The following MYO16 variants were observed in gnomAD, a reference collection of about 807,000 sequenced individuals.
MYO16 encodes unconventional myosin-XVI.
A neutral mutation model predicts 205.3 loss-of-function variants in MYO16; 94 were observed. The ratio of observed to expected loss-of-function variants is 0.46; its 90% CI spans 0.39 to 0.54. The LOEUF is 0.54. Ranked by LOEUF, MYO16 falls within the 20% of genes least tolerant of loss-of-function variation. The pLI is 0.00. For synonymous variants in MYO16, 988 were observed against 954.0 expected (o/e 1.04, Z -0.66); for missense variants, 2,315 against 2,387.5 (o/e 0.97, Z 0.63).
intron 14 of MYO16, among the ~76,000 whole-genome samples, 163 bp downstream of exon 14, chr13:108,888,640 G>A (rs775990028): frequency 6.6e-6 from 1 of 152,126 alleles, no homozygotes; most frequent in Non-Finnish European, 1.5e-5. Flanking sequence ...AATACTGTTC[G>A]AGTGAACATT....
chr13:109,201,446 C>T (rs922278722), intron 34 of MYO16: 5 of 144,144 alleles, frequency 3.5e-5, no homozygotes, highest in African/African-American at 8.0e-5. Flanking sequence ...GTTGTTAATT[C>T]CCTCTTACAT....
chr13:109,166,608 T>A (rs1310625570), intron 33 of MYO16: 3 of 152,242 alleles, frequency 2.0e-5, no homozygotes, highest in African/African-American at 7.2e-5. Context: ...AGATTTAAGT[T>A]GGCAGATTTT....
chr13:108,619,081 C>T (rs1232180972), intron 1 of MYO16, among the ~76,000 whole-genome samples: 4 of 152,138 alleles, frequency 2.6e-5, no homozygotes, highest in Admixed American at 6.6e-5. Context: ...ATTTGACACT[C>T]TCAAAATATC....
intron 5 of MYO16, among the ~76,000 whole-genome samples, chr13:108,791,507 A>G (rs1397438696): frequency 6.6e-6 from 1 of 152,248 alleles, no homozygotes; most frequent in East Asian, 1.9e-4. Flanking sequence ...GACAAATCAA[A>G]TACTATCAAC....
chr13:108,724,560 T>C (rs1232877387), intron 3 of MYO16, among the ~76,000 whole-genome samples: 1 of 149,788 alleles, frequency 6.7e-6, no homozygotes, highest in Admixed American at 6.6e-5. Flanking sequence ...ACTTGTGTCA[T>C]TTGTTTTTCT....
chr13:108,842,157 G>A (rs1195608995), intron 9 of MYO16, among the ~76,000 whole-genome samples: 1 of 151,982 alleles, frequency 6.6e-6, no homozygotes, highest in Non-Finnish European at 1.5e-5. Flanking sequence ...GTGGCAGTGA[G>A]TTTTATGGAT....
At chr13:108,648,032 G>C (rs548127930) in intron 1 of MYO16, among the ~76,000 whole-genome samples, 1 of 152,242 alleles carries the variant, frequency 6.6e-6, no homozygotes, top group African/African-American at 2.4e-5. Flanking sequence ...ATGGTCTATA[G>C]GGCAGAGGGA....
At chr13:108,618,311 G>A (rs757077277) in intron 1 of MYO16, among the ~76,000 whole-genome samples, 2 of 152,176 alleles carry the variant, frequency 1.3e-5, no homozygotes, top group African/African-American at 2.4e-5. Context: ...AGAGATGCAT[G>A]TAATTCAGGA....
At chr13:108,656,797 G>A (rs1201110801) in intron 1 of MYO16, among the ~76,000 whole-genome samples, 1 of 152,138 alleles carries the variant, frequency 6.6e-6, no homozygotes, top group African/African-American at 2.4e-5. Flanking sequence ...CCTTTCACCA[G>A]AATCCGCTTC....
intron 28 of MYO16, among the ~76,000 whole-genome samples, chr13:109,105,954 T>C (rs1471837568): frequency 6.6e-6 from 1 of 152,248 alleles, no homozygotes; most frequent in East Asian, 1.9e-4. Flanking sequence ...TAGAAGGGAA[T>C]CTTTCACGTT....
At chr13:109,132,962 C>T (rs1315172835) in intron 31 of MYO16, among the ~76,000 whole-genome samples, 2 of 152,122 alleles carry the variant, frequency 1.3e-5, no homozygotes, top group African/African-American at 4.8e-5. Flanking sequence ...CCTTGCCCTC[C>T]GTGGAAACTG....
At chr13:108,985,507 G>A (rs1397811225) in intron 20 of MYO16, among the ~76,000 whole-genome samples, 7 of 152,242 alleles carry the variant, frequency 4.6e-5, no homozygotes, top group Non-Finnish European at 8.8e-5. Flanking sequence ...GTCAGCAGAC[G>A]TGGGAGGAGA....
At chr13:109,025,107 C>A (rs1459940004) in intron 23 of MYO16, among the ~76,000 whole-genome samples, 1 of 152,036 alleles carries the variant, frequency 6.6e-6, no homozygotes, top group Non-Finnish European at 1.5e-5. Flanking sequence ...TTGGCCAGAC[C>A]GATGGGGTAG....
Position 108,637,742 on chromosome 13 carries a change from G to C in MYO16, c.28+7870G>C, listed in dbSNP as rs184658060. The stretch of plus-strand genomic sequence containing the variant: ...ATATATAAATTAGCTGGAGGTTGTG[G>C]CACATGCCTGTAATCCCAGCCACTT... On this transcript the variant is annotated intron_variant, in intron 1 of 34. Coordinates refer to ENST00000457511, the MANE Select transcript of MYO16 (RefSeq NM_001198950.3). Among the ~76,000 whole-genome samples the C allele has an allele frequency of 2.9e-3, 447 of 152,190 alleles. 2 individuals are homozygous for C. Among genetic ancestry groups the C allele is most frequent in the Non-Finnish European group, 5.0e-3 (341 of 68,012 alleles).
chr13:108,897,222 C>G (rs1007319880), intron 14 of MYO16, among the ~76,000 whole-genome samples: 3 of 152,142 alleles, frequency 2.0e-5, no homozygotes, highest in Non-Finnish European at 4.4e-5. Context: ...GATTTTCATA[C>G]ATTTTGGAGA....
intron 2 of MYO16, among the ~76,000 whole-genome samples, chr13:108,709,243 A>G (rs1883632030): frequency 6.6e-6 from 1 of 152,232 alleles, no homozygotes; most frequent in African/African-American, 2.4e-5. Context: ...ATGTTATTAC[A>G]AAGTTGCTAT....
In MYO16 at chr13:109,140,399, C is replaced by G; in HGVS notation, c.4187C>G (p.Ala1396Gly). The change falls in exon 32 of 35, where the codon GCG becomes GGG. Residue 1396 changes from alanine (A) to glycine (G), a missense_variant. This residue lies in a region of MYO16 where 1,097 missense variants were observed against 1,092.0 expected (regional missense o/e 1.00). Transcript: ENST00000457511. This position sits in a 1 kb window ranked among gnomAD's most constrained non-coding sequence, Gnocchi z 8.0. Reference sequence around the variant, plus strand: ...ATATCGGGGTCCCGGCCCGGGGACGCGAGGCCCGCGGGCGCCCCGGGGGCA... The same window carrying G: ...ATATCGGGGTCCCGGCCCGGGGACGGGAGGCCCGCGGGCGCCCCGGGGGCA... The part of the protein sequence containing the change: ...EEISGSRPGD[A>G]RPAGAPGAAA... 6.3e-7 allele frequency: 1 copy of G among 1,590,886 alleles called. No homozygotes were observed. Among genetic ancestry groups the G allele is most frequent in the Non-Finnish European group, 8.5e-7 (1 of 1,174,130 alleles).
chr13:109,184,571 A>G (rs1441365855), intron 34 of MYO16, among the ~76,000 whole-genome samples: 2 of 151,944 alleles, frequency 1.3e-5, no homozygotes, highest in Non-Finnish European at 2.9e-5. Context: ...TTGAGAAAAT[A>G]AGAAGTCAGA....
chr13:109,136,269 T>G (rs1876771225), intron 31 of MYO16, among the ~76,000 whole-genome samples: 1 of 152,028 alleles, frequency 6.6e-6, no homozygotes, highest in Non-Finnish European at 1.5e-5. Flanking sequence ...AATTTGTGTA[T>G]TTTTAGTAGA....
Sources: allele counts gnomAD v4.1 joint callset (sites outside exome capture counted in the v4.1 genomes callset), GRCh38; gene constraint gnomAD v4.1.1; regional missense constraint gnomAD v4.1.1; non-coding constraint Gnocchi (gnomAD v3.1); transcripts MANE v1.5; gene names NCBI Gene and HGNC (gene_info 2026-07-23, HGNC 2026-07-21).